NPAS3: variants seen among roughly 807,000 people sequenced by gnomAD.
NPAS3 encodes neuronal PAS domain protein 3.
A neutral mutation model predicts 73.1 loss-of-function variants in NPAS3; 14 were observed. The observed-to-expected ratio is 0.19, with a 90% confidence interval of 0.13 to 0.30. NPAS3 has a LOEUF of 0.30. Among genes scored for constraint, NPAS3 ranks in the 10% least tolerant of loss-of-function variants. The probability of loss-of-function intolerance (pLI) is 1.00; values close to 1 mark genes in which losing one functional copy is unlikely to be tolerated. For synonymous variants in NPAS3, 620 were observed against 541.5 expected, an observed-to-expected ratio of 1.14 and a Z score of -2.01; for missense variants, 1,096 against 1,250.0, an observed-to-expected ratio of 0.88 and a Z score of 1.86.
chr14:33,078,825 G>A (rs1566537124), intron 2 of NPAS3, among the ~76,000 whole-genome samples: 1 of 152,150 alleles, frequency 6.6e-6, no homozygotes, highest in Non-Finnish European at 1.5e-5. Context: ...ACACAGGTGT[G>A]CAGTTTCACA....
chr14:33,472,176 G>A (rs2050815476), intron 4 of NPAS3, among the ~76,000 whole-genome samples: 1 of 152,208 alleles, frequency 6.6e-6, no homozygotes, highest in South Asian at 2.1e-4. Flanking sequence ...CACTGTGAAA[G>A]TGACATTTTA....
intron 5 of NPAS3, among the ~76,000 whole-genome samples, chr14:33,601,046 C>G (rs898387190): frequency 6.6e-6 from 1 of 152,174 alleles, no homozygotes; most frequent in Non-Finnish European, 1.5e-5. Context: ...CCAGCCAGCA[C>G]TTCTCCTGAC....
At chr14:33,498,314 C>G (rs1448749404) in intron 4 of NPAS3, among the ~76,000 whole-genome samples, 1 of 152,092 alleles carries the variant, frequency 6.6e-6, no homozygotes, top group Non-Finnish European at 1.5e-5. Context: ...ACCAGAAATA[C>G]AATTTGAGCC....
chr14:33,403,633 G>T (rs2047539413), intron 4 of NPAS3, among the ~76,000 whole-genome samples: 2 of 151,934 alleles, frequency 1.3e-5, no homozygotes, highest in African/African-American at 4.8e-5. Flanking sequence ...AAAATAATAG[G>T]GTTATAAATG....
chr14:32,996,234 T>A (rs1296492311), intron 1 of NPAS3, among the ~76,000 whole-genome samples: 5 of 152,174 alleles, frequency 3.3e-5, no homozygotes, highest in Non-Finnish European at 2.9e-5. Context: ...GCAGAAAGCA[T>A]TCAATAGGTG....
chr14:33,630,302 A>C (rs2058343208), intron 5 of NPAS3, among the ~76,000 whole-genome samples: 1 of 152,210 alleles, frequency 6.6e-6, no homozygotes, highest in Non-Finnish European at 1.5e-5. Context: ...GAGTAAAGGA[A>C]GAAAAAAGAG....
At chr14:33,020,204 A>G (rs1474274971) in intron 1 of NPAS3, among the ~76,000 whole-genome samples, 1 of 152,208 alleles carries the variant, frequency 6.6e-6, no homozygotes, top group Non-Finnish European at 1.5e-5. Context: ...CTGAAGAACA[A>G]AGAAATCAGT....
intron 7 of NPAS3, among the ~76,000 whole-genome samples, chr14:33,755,997 G>T (rs2062104431): frequency 6.6e-6 from 1 of 152,130 alleles, no homozygotes; most frequent in Non-Finnish European, 1.5e-5. Flanking sequence ...ATCTATTCAT[G>T]AGGGTTCTGC....
chr14:33,289,693 A>G (rs1304736798), intron 3 of NPAS3, among the ~76,000 whole-genome samples: 1 of 151,984 alleles, frequency 6.6e-6, no homozygotes, highest in Non-Finnish European at 1.5e-5. Flanking sequence ...ATGATGGGGC[A>G]TGACTGTAGA....
intron 2 of NPAS3, among the ~76,000 whole-genome samples, chr14:33,088,769 A>AC (rs1169542824): frequency 6.6e-6 from 1 of 151,860 alleles, no homozygotes; most frequent in South Asian, 2.1e-4. Flanking sequence ...ACTGGGAGGA[A>AC]CCCCCCAGTA....
At chr14:33,506,261 C>T (rs551512135) in intron 4 of NPAS3, among the ~76,000 whole-genome samples, 2 of 152,064 alleles carry the variant, frequency 1.3e-5, no homozygotes, top group Admixed American at 1.3e-4. Flanking sequence ...AGAACAGAGC[C>T]TGGCATATAG....
intron 2 of NPAS3, among the ~76,000 whole-genome samples, chr14:33,108,693 A>G (rs2042797508): frequency 1.3e-5 from 2 of 152,158 alleles, no homozygotes; most frequent in Admixed American, 1.3e-4. Flanking sequence ...TTTTATGTGA[A>G]GTATGTGTAA....
chr14:33,328,842 G>GAT (rs942705865), intron 3 of NPAS3, among the ~76,000 whole-genome samples: 2 of 152,162 alleles, frequency 1.3e-5, no homozygotes, highest in African/African-American at 4.8e-5. Context: ...TGTATTTATA[G>GAT]ATATATATTT....
intron 5 of NPAS3, among the ~76,000 whole-genome samples, chr14:33,608,006 G>A (rs1421265879): frequency 2.0e-5 from 3 of 152,126 alleles, no homozygotes; most frequent in African/African-American, 4.8e-5. Context: ...CCCACCACAC[G>A]TGAGGATGAT....
intron 4 of NPAS3, among the ~76,000 whole-genome samples, chr14:33,423,202 T>C (rs533177488): frequency 6.6e-6 from 1 of 152,150 alleles, no homozygotes; most frequent in Admixed American, 6.6e-5. Flanking sequence ...TTCACACCTA[T>C]GTAGCCAGAG....
intron 3 of NPAS3, among the ~76,000 whole-genome samples, chr14:33,336,258 G>C (rs2044221583): frequency 6.6e-6 from 1 of 152,152 alleles, no homozygotes; most frequent in African/African-American, 2.4e-5. Flanking sequence ...TCTGATTATA[G>C]GTTAACTAGG....
At chr14:33,255,458 G>A (rs962647076) in intron 3 of NPAS3, among the ~76,000 whole-genome samples, 2 of 152,048 alleles carry the variant, frequency 1.3e-5, no homozygotes, top group African/African-American at 2.4e-5. Context: ...AGACCAACCC[G>A]GACTAGAGTA....
intron 4 of NPAS3, among the ~76,000 whole-genome samples, chr14:33,501,873 G>A (rs1406095875): frequency 6.6e-6 from 1 of 151,924 alleles, no homozygotes; most frequent in Non-Finnish European, 1.5e-5. Context: ...AAAACAAAGA[G>A]ATAACTGCGT....
At chr14:33,412,244 G>A (rs543278257) in intron 4 of NPAS3, among the ~76,000 whole-genome samples, 81 of 152,004 alleles carry the variant, frequency 5.3e-4, no homozygotes, top group Middle Eastern at 6.8e-3. Context: ...TCAGCCTCCC[G>A]AGTAGCTGGG....
Sources: gnomAD v4.1 joint callset for allele counts (sites outside exome capture counted in the v4.1 genomes callset) on GRCh38, gnomAD v4.1.1 for gene constraint, MANE v1.5 for transcripts, NCBI Gene and HGNC (gene_info 2026-07-23, HGNC 2026-07-21) for gene names.